The following CNTN5 variants were observed in gnomAD, a reference collection of about 807,000 sequenced individuals.
CNTN5 encodes the protein contactin-5.
A neutral mutation model predicts 129.1 loss-of-function variants in CNTN5; 77 were observed. The observed-to-expected ratio is 0.60, with a 90% CI of 0.50 to 0.72. CNTN5 has a LOEUF of 0.72. Ranked by LOEUF, CNTN5 falls within the 30% of genes least tolerant of loss-of-function variation. The pLI is 0.00. For missense variants in CNTN5, 1,478 were observed against 1,328.8 expected (o/e 1.11, Z -1.75); for synonymous variants, 509 against 465.6 (o/e 1.09, Z -1.20).
intron 15 of CNTN5, among the ~76,000 whole-genome samples, chr11:100,214,067 G>A (rs1224884708): frequency 6.6e-6 from 1 of 151,960 alleles, no homozygotes; most frequent in African/African-American, 2.4e-5. Context: ...TGACAAATAT[G>A]TATCTCATAA....
chr11:100,354,256 T>C (rs948277061), intron 24 of CNTN5, among the ~76,000 whole-genome samples: 8 of 151,672 alleles, frequency 5.3e-5, no homozygotes, highest in African/African-American at 1.9e-4. Flanking sequence ...ATGATCATGA[T>C]GCTTCAGAAG....
At chr11:99,556,593 ATC>A (rs569302928) in intron 3 of CNTN5, among the ~76,000 whole-genome samples, 2 of 135,336 alleles carry the variant, frequency 1.5e-5, no homozygotes, top group Non-Finnish European at 3.2e-5. Flanking sequence ...ATATATATAT[ATC>A]TCCCACACAT....
At chr11:99,157,913 A>G (rs1445014065) in intron 1 of CNTN5, among the ~76,000 whole-genome samples, 1 of 152,214 alleles carries the variant, frequency 6.6e-6, no homozygotes, top group Non-Finnish European at 1.5e-5. Context: ...AGGTTTGTAC[A>G]GGGCACAGTG....
At chr11:100,146,151 G>A (rs1946845598) in intron 13 of CNTN5, among the ~76,000 whole-genome samples, 1 of 152,082 alleles carries the variant, frequency 6.6e-6, no homozygotes, top group South Asian at 2.1e-4. Context: ...TTATGTGAGG[G>A]AAATAACAAT....
At chr11:99,713,633 A>G (rs1023398846) in intron 3 of CNTN5, among the ~76,000 whole-genome samples, 4 of 151,982 alleles carry the variant, frequency 2.6e-5, no homozygotes, top group African/African-American at 2.4e-5. Flanking sequence ...AAATAGAAAT[A>G]TGGAACCCAA....
At chr11:100,346,901 A>G (rs1952293518) in intron 23 of CNTN5, among the ~76,000 whole-genome samples, 1 of 152,132 alleles carries the variant, frequency 6.6e-6, no homozygotes, top group Non-Finnish European at 1.5e-5. Context: ...GGAAGGTGAA[A>G]GGAACGTCTC....
intron 21 of CNTN5, among the ~76,000 whole-genome samples, chr11:100,333,426 A>AAAAAAAC (rs1951953498): frequency 6.6e-6 from 1 of 150,642 alleles, no homozygotes; most frequent in Non-Finnish European, 1.5e-5. Context: ...AAAAAAAAAA[A>AAAAAAAC]AAAAAACACC....
chr11:99,314,929 A>G (rs922243841), intron 1 of CNTN5, among the ~76,000 whole-genome samples: 1 of 145,656 alleles, frequency 6.9e-6, no homozygotes, highest in Non-Finnish European at 1.5e-5. Context: ...TAAAAATTGC[A>G]TATTCTTATT....
chr11:99,873,845 G>A (rs1480075719), intron 6 of CNTN5, among the ~76,000 whole-genome samples: 2 of 152,020 alleles, frequency 1.3e-5, no homozygotes, highest in Non-Finnish European at 2.9e-5. Flanking sequence ...AAGCAAAGGT[G>A]ATACATACAT....
In CNTN5 at chr11:99,058,811, C is replaced by T. The variant is rs990522283; in HGVS notation, c.-210+37541C>T. On this transcript the variant is annotated intron_variant, in intron 1 of 24. Coordinates refer to ENST00000524871, the MANE Select transcript of CNTN5 (RefSeq NM_014361.4). The stretch of plus-strand genomic sequence containing the variant: ...AGGAAAAATGAAAAATGGGCAAGGT[C>T]CCACAGAGCTCAGAAAGATAATGAG... Among the ~76,000 whole-genome samples, 15 of 151,864 alleles carry T rather than the reference C, an allele frequency of 9.9e-5. 1 individual carries two copies. In the South Asian group the frequency reaches 1.7e-3, roughly 17 times the overall value.
At chr11:99,520,376 C>G (rs1213524540) in intron 2 of CNTN5, among the ~76,000 whole-genome samples, 3 of 152,082 alleles carry the variant, frequency 2.0e-5, no homozygotes, top group Non-Finnish European at 4.4e-5. Flanking sequence ...CAATCCTCAT[C>G]AGTGATACTA....
intron 1 of CNTN5, among the ~76,000 whole-genome samples, chr11:99,260,999 A>T (rs1386614638): frequency 2.0e-5 from 3 of 151,934 alleles, no homozygotes; most frequent in African/African-American, 7.2e-5. Flanking sequence ...GTATTTATAG[A>T]TAAACTTAAA....
chr11:99,186,460 A>G (rs1437761494), intron 1 of CNTN5, among the ~76,000 whole-genome samples: 1 of 151,900 alleles, frequency 6.6e-6, no homozygotes, highest in African/African-American at 2.4e-5. Flanking sequence ...AGCTTTCATG[A>G]TTTCTTAATG....
At chr11:99,436,880 T>A (rs1312150103) in intron 2 of CNTN5, among the ~76,000 whole-genome samples, 1 of 152,188 alleles carries the variant, frequency 6.6e-6, no homozygotes, top group Admixed American at 6.5e-5. Flanking sequence ...AGCTTCATCC[T>A]GGTTCCCTTT....
At chr11:99,821,076 C>T (rs755964637) in intron 4 of CNTN5, among the ~76,000 whole-genome samples, 1 of 152,120 alleles carries the variant, frequency 6.6e-6, no homozygotes, top group Non-Finnish European at 1.5e-5. Context: ...TTTTAACTTT[C>T]TATTACCTTA....
chr11:99,188,360 C>T (rs1353455970), intron 1 of CNTN5, among the ~76,000 whole-genome samples: 3 of 151,638 alleles, frequency 2.0e-5, no homozygotes, highest in Non-Finnish European at 3.0e-5. Flanking sequence ...TGTCCAAGTC[C>T]CTTTCCAATT....
chr11:99,391,854 G>T (rs1273510432), intron 2 of CNTN5, among the ~76,000 whole-genome samples: 1 of 151,908 alleles, frequency 6.6e-6, no homozygotes, highest in African/African-American at 2.4e-5. Flanking sequence ...ACAAGAGTCA[G>T]AATATTTATG....
intron 13 of CNTN5, among the ~76,000 whole-genome samples, chr11:100,135,145 T>C (rs913818744): frequency 3.3e-5 from 5 of 151,890 alleles, no homozygotes; most frequent in African/African-American, 7.2e-5. Flanking sequence ...TGTTTGGATA[T>C]GTGTTATCTT....
intron 3 of CNTN5, among the ~76,000 whole-genome samples, chr11:99,807,604 C>T (rs1287888830): frequency 1.3e-5 from 2 of 152,144 alleles, no homozygotes; most frequent in Non-Finnish European, 2.9e-5. Flanking sequence ...CAACCACCAC[C>T]TCCCAGTTGA....
Sources: allele counts gnomAD v4.1 joint callset (sites outside exome capture counted in the v4.1 genomes callset), GRCh38; gene constraint gnomAD v4.1.1; transcripts MANE v1.5; gene names NCBI Gene and HGNC (gene_info 2026-07-23, HGNC 2026-07-21).